Variants in SLC44A3 observed in about 807,000 individuals in gnomAD.
SLC44A3 encodes choline transporter-like protein 3.
A neutral mutation model predicts 75.4 loss-of-function variants in SLC44A3; 74 were observed. The ratio of observed to expected loss-of-function variants is 0.98; its 90% CI spans 0.81 to 1.19. SLC44A3 has a LOEUF of 1.19. Ranked by LOEUF, SLC44A3 falls within the 50% of genes most tolerant of loss-of-function variation. The pLI is 0.00. For missense variants in SLC44A3, 700 were observed against 778.6 expected (o/e 0.90, Z 1.20); for synonymous variants, 310 against 296.9 (o/e 1.04, Z -0.45).
chr1:94,892,143 A>G (rs1670286629), intron 13 of SLC44A3, 138 bp from the exon 14 acceptor site: 3 of 814,268 alleles, frequency 3.7e-6, no homozygotes, highest in Non-Finnish European at 5.9e-6. Flanking sequence ...TTCTGCCAAA[A>G]TTTCTGACAA....
In SLC44A3 at chr1:94,864,899, G is replaced by C; in HGVS notation, c.1395G>C (p.Gln465His). Residue 465 changes from glutamine (Q) to histidine (H), a missense_variant and splice_region_variant, in exon 11 of 15, where the codon CAG becomes CAC. Coordinates refer to ENST00000271227, the MANE Select transcript of SLC44A3 (RefSeq NM_001114106.3). ...VMYMQNALKEQQHGALSRYLF... is the reference protein window; with the variant it reads ...VMYMQNALKEHQHGALSRYLF... ...ACATGCAAAACGCACTGAAAGAACA[G>C]GTAAGGCTACCTCCTGATACACAGC... The C allele has an allele frequency of 1.2e-6, 2 of 1,613,174 alleles. No homozygotes were observed. Among genetic ancestry groups the C allele is most frequent in the Non-Finnish European group, 1.7e-6 (2 of 1,179,646 alleles).
At chr1:94,850,071 A>G (rs1201665927) in intron 9 of SLC44A3, among the ~76,000 whole-genome samples, 1 of 151,926 alleles carries the variant, frequency 6.6e-6, no homozygotes, top group Non-Finnish European at 1.5e-5. Flanking sequence ...AATGAATACT[A>G]TTTTTTACTG....
At chr1:94,880,888 A>AT (rs972419914) in intron 12 of SLC44A3, among the ~76,000 whole-genome samples, 17 of 107,920 alleles carry the variant, frequency 1.6e-4, no homozygotes, top group Admixed American at 2.3e-4. Context: ...AATGTTCTAC[A>AT]TTTTTTTTTA....
In SLC44A3 at chr1:94,891,199, T is replaced by C. The variant is rs766777553; in HGVS notation, c.1552T>C (p.Leu518=). The C allele has an allele frequency of 1.2e-6, 2 of 1,613,690 alleles. No individual in the cohort carries two copies. Among genetic ancestry groups the C allele is most frequent in the African/African-American group, 1.3e-5 (1 of 75,048 alleles). Residue 518 remains leucine (L), a synonymous_variant, in exon 13 of 15, where the codon TTG becomes CTG. Coordinates refer to ENST00000271227, the MANE Select transcript of SLC44A3 (RefSeq NM_001114106.3). Reference sequence around the variant, plus strand: ...ATCAGCAAAAGATGCATTCAAAATCTTGTCCAAGAACTCAAGTCACTTTAC... The same window carrying C: ...ATCAGCAAAAGATGCATTCAAAATCCTGTCCAAGAACTCAAGTCACTTTAC... ...CTSAKDAFKI[L]SKNSSHFTSI... is the part of the protein sequence containing the mutation.
chr1:94,881,191 T>A (rs1668926848), intron 12 of SLC44A3, among the ~76,000 whole-genome samples: 1 of 152,192 alleles, frequency 6.6e-6, no homozygotes, highest in Non-Finnish European at 1.5e-5. Context: ...AGGCTGTCTG[T>A]CACCAGGCCT....
chr1:94,861,900 G>T (rs1256213802), intron 10 of SLC44A3, among the ~76,000 whole-genome samples: 1 of 152,190 alleles, frequency 6.6e-6, no homozygotes, highest in Non-Finnish European at 1.5e-5. Context: ...ACCCTTCAGG[G>T]TGGTGGAGGG....
intron 9 of SLC44A3, among the ~76,000 whole-genome samples, chr1:94,849,402 C>T (rs1255946305): frequency 1.3e-5 from 2 of 152,184 alleles, no homozygotes; most frequent in Non-Finnish European, 2.9e-5. Context: ...ATCACCCGTC[C>T]CCTCCTTCCA....
intron 12 of SLC44A3, among the ~76,000 whole-genome samples, chr1:94,883,519 A>G (rs1225428961): frequency 2.6e-5 from 4 of 152,188 alleles, no homozygotes; most frequent in Non-Finnish European, 4.4e-5. Flanking sequence ...CAAAGCAAAC[A>G]AACAAAGACA....
chr1:94,820,914 ATCT>A, intron 1 of SLC44A3, 32 bp from the exon 2 acceptor site: 2 of 1,537,360 alleles, frequency 1.3e-6, no homozygotes, highest in Non-Finnish European at 1.8e-6. Flanking sequence ...CCACCTGTTT[ATCT>A]TCTTTTTCTC....
Position 94,820,489 on chromosome 1 carries a change from G to A in SLC44A3, c.27+11G>A. 2.0e-6 allele frequency: 3 copies of A among 1,491,708 alleles called. No individual in the cohort carries two copies. The highest frequency in any genetic ancestry group is 2.7e-6 in the Non-Finnish European group (3 of 1,123,184). 92.4% of individuals were successfully genotyped at this position (1,491,708 alleles called of 1,614,324 possible). A position where few individuals can be genotyped will look rare whatever the true frequency, so the allele number is the denominator to read the frequency against. ...GGCGCCGAGTACCTGGTAAGCGCTCGCAGCCTCGGCCCTCGGGGGAGGAGC... is the reference window on the plus strand; with the variant it reads ...GGCGCCGAGTACCTGGTAAGCGCTCACAGCCTCGGCCCTCGGGGGAGGAGC... On this transcript the variant is annotated intron_variant, in intron 1 of 14. Coordinates refer to ENST00000271227, the MANE Select transcript of SLC44A3 (RefSeq NM_001114106.3).
intron 5 of SLC44A3, among the ~76,000 whole-genome samples, chr1:94,834,701 T>G (rs1039297608): frequency 1.3e-5 from 2 of 152,052 alleles, no homozygotes; most frequent in African/African-American, 4.8e-5. Flanking sequence ...GCCAGGCTGG[T>G]CTCAAACTCC....
intron 4 of SLC44A3, 124 bp downstream of exon 4, chr1:94,827,767 G>C (rs1270801783): frequency 8.3e-7 from 1 of 1,198,932 alleles, no homozygotes; most frequent in East Asian, 2.4e-5. Context: ...CCTTGTGGGT[G>C]CCTCTTTTTG....
At chr1:94,863,691 CTT>C (rs200315758) in intron 10 of SLC44A3, among the ~76,000 whole-genome samples, 1 of 151,418 alleles carries the variant, frequency 6.6e-6, no homozygotes, top group Non-Finnish European at 1.5e-5. Context: ...AACACACATC[CTT>C]TTTTTTTGTG....
intron 11 of SLC44A3, among the ~76,000 whole-genome samples, chr1:94,865,330 C>T (rs187762913): frequency 6.6e-6 from 1 of 152,200 alleles, no homozygotes; most frequent in African/African-American, 2.4e-5. Flanking sequence ...AAAATATTGC[C>T]TGCCTTTTGT....
intron 11 of SLC44A3, 91 bp from the exon 12 acceptor site, chr1:94,867,240 A>G (rs1002513635): frequency 2.8e-6 from 3 of 1,082,278 alleles, no homozygotes; most frequent in Non-Finnish European, 3.9e-6. Context: ...CCAGGTGCAT[A>G]AGTAAAAACT....
chr1:94,826,060 G>GTATTAAA (rs1661296982), intron 3 of SLC44A3: 11 of 372,538 alleles, frequency 3.0e-5, no homozygotes, highest in Admixed American at 2.1e-4. Context: ...TATTAAAAAG[G>GTATTAAA]AAGGAAATTC....
At position 94,824,530 on chromosome 1, in the gene SLC44A3, C is replaced by G. The variant is rs746420514; in HGVS notation, c.173C>G (p.Ala58Gly). 1 of 1,610,582 alleles carries G rather than the reference C, an allele frequency of 6.2e-7. No homozygotes were observed. Among genetic ancestry groups the G allele is most frequent in the South Asian group, 1.1e-5 (1 of 90,648 alleles). The change falls in exon 3 of 15, where the codon GCG becomes GGG. Residue 58 changes from alanine (A) to glycine (G), a missense_variant. Ala to Gly is a moderately conservative substitution (Grantham distance 60). Transcript: ENST00000271227. ...GGCTACTCGGTGGTGGCTGGAGCCG[C>G]GGGAAGACTCCTCTTTGGCTATGAC... Reference protein sequence around the residue: ...IMGYSVVAGAAGRLLFGYDSF... With the variant: ...IMGYSVVAGAGGRLLFGYDSF...
chr1:94,869,031 C>T (rs1221097610), intron 12 of SLC44A3, among the ~76,000 whole-genome samples: 7 of 152,236 alleles, frequency 4.6e-5, no homozygotes, highest in Non-Finnish European at 1.5e-5. Context: ...TGAGCAGCTC[C>T]ACTTTATGTG....
At chr1:94,891,355 A>G in intron 13 of SLC44A3, 88 bp downstream of exon 13, 7 of 1,354,386 alleles carry the variant, frequency 5.2e-6, no homozygotes, top group Non-Finnish European at 6.1e-6. Context: ...ATATTTCTTG[A>G]GTACTTACTC....
Sources: allele counts gnomAD v4.1 joint callset (sites outside exome capture counted in the v4.1 genomes callset), GRCh38; gene constraint gnomAD v4.1.1; transcripts MANE v1.5; gene names NCBI Gene and HGNC (gene_info 2026-07-23, HGNC 2026-07-21).